Variants in NLGN1 observed in about 807,000 individuals in gnomAD.
The protein encoded by NLGN1 is neuroligin-1.
In NLGN1, 12 loss-of-function variants were observed where a neutral mutation model predicts 65.5. That is an observed-to-expected ratio of 0.18 (90% confidence interval 0.12 to 0.30). NLGN1 has a LOEUF of 0.30. NLGN1 is among the 10% of genes least tolerant of loss of function. The pLI, the probability that NLGN1 is intolerant of heterozygous loss-of-function variation, is 1.00. For synonymous variants in NLGN1, 350 were observed against 359.5 expected, an observed-to-expected ratio of 0.97 and a Z score of 0.30; for missense variants, 750 against 1,007.1, an observed-to-expected ratio of 0.74 and a Z score of 3.46.
At chr3:173,429,319 G>T (rs1020958648) in intron 1 of NLGN1, among the ~76,000 whole-genome samples, 1 of 151,988 alleles carries the variant, frequency 6.6e-6, no homozygotes, top group Non-Finnish European at 1.5e-5. Flanking sequence ...GTATTTCTCA[G>T]CTCCAGGATT....
chr3:173,531,625 C>A (rs1438298613), intron 2 of NLGN1, among the ~76,000 whole-genome samples: 1 of 151,280 alleles, frequency 6.6e-6, no homozygotes, highest in Admixed American at 6.6e-5. Context: ...CAGTCAAGTT[C>A]TCATATTCTT....
intron 4 of NLGN1, among the ~76,000 whole-genome samples, chr3:173,851,997 C>T (rs1300065535): frequency 1.3e-5 from 2 of 150,740 alleles, no homozygotes; most frequent in Non-Finnish European, 2.9e-5. Context: ...TTATGTGGGG[C>T]TTAAAACATA....
rs186141479 is a variant in NLGN1, at chr3:174,114,290, A to G, written c.647-161025A>G. 3.1e-3 allele frequency among the ~76,000 whole-genome samples: 467 copies of G among 152,342 alleles called. 3 individuals carry two copies. The highest frequency in any genetic ancestry group is 0.011 in the African/African-American group (447 of 41,596). On this transcript the variant is annotated intron_variant, in intron 4 of 6. Transcript: ENST00000457714. ...AGGCGTGCAAATTGCAGTAGCAAAC[A>G]TATTTTATAAACATTAAGGGAAGAT...
chr3:173,633,897 T>A (rs892463369), intron 3 of NLGN1, among the ~76,000 whole-genome samples: 1 of 152,170 alleles, frequency 6.6e-6, no homozygotes, highest in Non-Finnish European at 1.5e-5. Context: ...TTGTTAAACC[T>A]CTTACATATA....
intron 4 of NLGN1, among the ~76,000 whole-genome samples, chr3:173,949,767 T>G (rs1369741046): frequency 6.6e-6 from 1 of 152,086 alleles, no homozygotes; most frequent in Admixed American, 6.5e-5. Flanking sequence ...TTTATTACCG[T>G]GAGTTTACCA....
chr3:173,622,720 A>G (rs1331256306), intron 3 of NLGN1, among the ~76,000 whole-genome samples: 1 of 152,142 alleles, frequency 6.6e-6, no homozygotes, highest in Admixed American at 6.6e-5. Context: ...TTAAAAGGGC[A>G]GATATTACAC....
intron 4 of NLGN1, among the ~76,000 whole-genome samples, chr3:174,199,156 T>G (rs1304800054): frequency 6.6e-6 from 1 of 152,156 alleles, no homozygotes. Context: ...CTGCATATTC[T>G]TATATTCATT....
In NLGN1 at chr3:173,873,799, T is replaced by C. The variant is rs114982847; in HGVS notation, c.646+65967T>C. Reference sequence around the variant, plus strand: ...ATCTTGGACAGTGATGGTTATGGGCTGAACTGTTTCCCAAAAAAGTCATAT... The same window carrying C: ...ATCTTGGACAGTGATGGTTATGGGCCGAACTGTTTCCCAAAAAAGTCATAT... On this transcript the variant is annotated intron_variant, in intron 4 of 6. Transcript: ENST00000457714. 4.3e-3 allele frequency among the ~76,000 whole-genome samples: 654 copies of C among 152,302 alleles called. 7 individuals carry two copies. Among genetic ancestry groups the C allele is most frequent in the African/African-American group, 0.014 (598 of 41,562 alleles).
At chr3:174,133,893 AACACACACACACAC>A (rs5854553) in intron 4 of NLGN1, among the ~76,000 whole-genome samples, 2,797 of 144,892 alleles carry the variant, frequency 0.019, 43 homozygotes, top group Non-Finnish European at 0.029. Flanking sequence ...CACCCCACAA[AACACACACACACAC>A]ACACACACAC....
At chr3:173,407,635 A>G (rs1711544758) in intron 1 of NLGN1, among the ~76,000 whole-genome samples, 1 of 152,186 alleles carries the variant, frequency 6.6e-6, no homozygotes, top group Admixed American at 6.5e-5. Flanking sequence ...TAGGATATGA[A>G]TAAATAGAGA....
At chr3:173,726,339 TG>T (rs1771775060) in intron 3 of NLGN1, among the ~76,000 whole-genome samples, 1 of 152,060 alleles carries the variant, frequency 6.6e-6, no homozygotes, top group African/African-American at 2.4e-5. Context: ...TAATACTTTC[TG>T]TTTTATCATG....
At chr3:173,580,304 T>G (rs930137077) in intron 2 of NLGN1, among the ~76,000 whole-genome samples, 5 of 152,112 alleles carry the variant, frequency 3.3e-5, no homozygotes, top group African/African-American at 9.7e-5. Context: ...TTCTAAGATG[T>G]TTTTTATCAG....
rs531063058 is a variant in NLGN1, at chr3:173,471,112, A to T, written c.-321+36034A>T. On this transcript the variant is annotated intron_variant, in intron 2 of 6. Coordinates refer to ENST00000457714, the Ensembl canonical transcript of NLGN1. The stretch of plus-strand genomic sequence containing the variant: ...AACAACAATAAACGCCTGCATCCTT[A>T]CAGCAAATTTATTAAAGGAAGACAT... Among the ~76,000 whole-genome samples the T allele has an allele frequency of 2.0e-5, 3 of 152,284 alleles. No individual in the cohort carries two copies. The East Asian group carries it at 5.8e-4, about 29-fold the overall frequency.
intron 2 of NLGN1, among the ~76,000 whole-genome samples, chr3:173,488,010 C>CT (rs1329021649): frequency 6.6e-6 from 1 of 151,540 alleles, no homozygotes; most frequent in Non-Finnish European, 1.5e-5. Flanking sequence ...TATTTTATCG[C>CT]TTTTTTATTT....
At chr3:174,236,615 CTG>C (rs1402541259) in intron 4 of NLGN1, among the ~76,000 whole-genome samples, 1 of 152,010 alleles carries the variant, frequency 6.6e-6, no homozygotes, top group Non-Finnish European at 1.5e-5. Context: ...TGCTTTGAGT[CTG>C]TGTTTACTTG....
intron 3 of NLGN1, among the ~76,000 whole-genome samples, chr3:173,775,459 C>T (rs1233936335): frequency 1.3e-5 from 2 of 151,972 alleles, no homozygotes; most frequent in Non-Finnish European, 1.5e-5. Context: ...AAAGTATTAA[C>T]CTTTCTGATG....
chr3:173,650,456 AGTT>A (rs1404707069), intron 3 of NLGN1, among the ~76,000 whole-genome samples: 2 of 152,186 alleles, frequency 1.3e-5, no homozygotes, highest in East Asian at 3.8e-4. Flanking sequence ...GTTATTGTAT[AGTT>A]TACACTTGCT....
intron 4 of NLGN1, among the ~76,000 whole-genome samples, chr3:174,203,452 G>A (rs1186916214): frequency 6.6e-6 from 1 of 152,164 alleles, no homozygotes; most frequent in African/African-American, 2.4e-5. Context: ...GATGAATCTT[G>A]TGAGACAGGG....
At chr3:174,084,060 A>T (rs1742788438) in intron 4 of NLGN1, among the ~76,000 whole-genome samples, 1 of 152,204 alleles carries the variant, frequency 6.6e-6, no homozygotes, top group Non-Finnish European at 1.5e-5. Flanking sequence ...TTATGGTTAG[A>T]ACTCACTGTT....
Sources: allele counts gnomAD v4.1 joint callset (sites outside exome capture counted in the v4.1 genomes callset), GRCh38; gene constraint gnomAD v4.1.1; transcripts MANE v1.5; gene names NCBI Gene and HGNC (gene_info 2026-07-23, HGNC 2026-07-21).